Variants in ALK observed in about 807,000 individuals in gnomAD.
The protein encoded by ALK is ALK receptor tyrosine kinase.
In ALK, 74 loss-of-function variants were observed where a neutral mutation model predicts 163.1. That is an observed-to-expected ratio of 0.45 (90% CI 0.38 to 0.55). The LOEUF is 0.55. ALK is among the 20% of genes least tolerant of loss of function. ALK has a pLI of 0.00. For synonymous variants in ALK, 960 were observed against 843.2 expected (o/e 1.14, Z -2.40); for missense variants, 2,063 against 2,105.3 (o/e 0.98, Z 0.39).
At chr2:29,511,868 T>C (rs1364898374) in intron 4 of ALK, among the ~76,000 whole-genome samples, 2 of 152,216 alleles carry the variant, frequency 1.3e-5, no homozygotes, top group East Asian at 1.9e-4. Context: ...ATGTTGAGCA[T>C]CTTTTCATAT....
At chr2:29,193,961 C>CA (rs1668959822) in intron 28 of ALK, 39 bp from the exon 29 acceptor site, 1 of 1,594,784 alleles carries the variant, frequency 6.3e-7, no homozygotes, top group Non-Finnish European at 8.6e-7. Flanking sequence ...GAATCAGAGA[C>CA]AAAAAATGTT....
chr2:29,427,848 A>G (rs908024911), intron 4 of ALK, among the ~76,000 whole-genome samples: 2 of 152,104 alleles, frequency 1.3e-5, no homozygotes, highest in African/African-American at 4.8e-5. Flanking sequence ...TGCACAGGAA[A>G]CTTTCTCTGG....
At chr2:29,534,346 A>G (rs1029898609) in intron 3 of ALK, among the ~76,000 whole-genome samples, 1 of 152,198 alleles carries the variant, frequency 6.6e-6, no homozygotes, top group East Asian at 1.9e-4. Flanking sequence ...AGCAAAGGCA[A>G]TGTGTTGAGG....
At chr2:29,352,046 G>C (rs1668129346) in intron 5 of ALK, among the ~76,000 whole-genome samples, 1 of 152,176 alleles carries the variant, frequency 6.6e-6, no homozygotes, top group Admixed American at 6.5e-5. Flanking sequence ...AGGAGATGAT[G>C]ACCATCTTGG....
intron 4 of ALK, among the ~76,000 whole-genome samples, chr2:29,398,836 C>T (rs555552617): frequency 6.6e-6 from 1 of 152,286 alleles, no homozygotes; most frequent in South Asian, 2.1e-4. Context: ...GCTGACAGCT[C>T]AGAGCAGGTT....
At chr2:29,700,872 A>G (rs1050368770) in intron 2 of ALK, among the ~76,000 whole-genome samples, 3 of 152,202 alleles carry the variant, frequency 2.0e-5, no homozygotes, top group Admixed American at 1.3e-4. Flanking sequence ...AGAGTTGTCA[A>G]TGACAAACCA....
intron 4 of ALK, among the ~76,000 whole-genome samples, chr2:29,446,259 A>C (rs1273969600): frequency 6.6e-6 from 1 of 152,128 alleles, no homozygotes; most frequent in Non-Finnish European, 1.5e-5. Context: ...TTCTCAGAGC[A>C]ACAAGGCTCT....
chr2:29,305,379 G>T (rs918793128), intron 8 of ALK, among the ~76,000 whole-genome samples: 3 of 152,110 alleles, frequency 2.0e-5, no homozygotes, highest in African/African-American at 7.2e-5. Flanking sequence ...TACCCTCTTG[G>T]ACCTGCAGAT....
At chr2:29,539,049 A>AT (rs1553329251) in intron 3 of ALK, among the ~76,000 whole-genome samples, 2 of 151,328 alleles carry the variant, frequency 1.3e-5, no homozygotes, top group African/African-American at 2.4e-5. Context: ...TCTCTTCCAC[A>AT]CCCCCCTCCC....
chr2:29,555,411 T>C (rs909612717), intron 3 of ALK, among the ~76,000 whole-genome samples: 39 of 152,170 alleles, frequency 2.6e-4, no homozygotes, highest in Non-Finnish European at 5.0e-4. Context: ...TGCTGAAATT[T>C]ACTGGGTAAT....
rs1344499382 is a variant in ALK, at chr2:29,920,477, G to A, written c.183C>T (p.Pro61=). 4 of 1,613,000 alleles carry A rather than the reference G, an allele frequency of 2.5e-6. No individual in the cohort carries two copies. The highest frequency in any genetic ancestry group is 2.5e-6 in the Non-Finnish European group (3 of 1,179,642). ...CCCGGGCGTAGACACGGAAGAGCGAGGGCACCACGAAGTCAACTGCCAGAC... is the reference window on the plus strand; with the variant it reads ...CCCGGGCGTAGACACGGAAGAGCGAAGGCACCACGAAGTCAACTGCCAGAC... The part of the protein sequence containing the change: ...RKSLAVDFVV[P]SLFRVYARDL... The change falls in exon 1 of 29, where the codon CCC becomes CCT. Residue 61 remains proline, a synonymous_variant. Transcript: ENST00000389048.
intron 11 of ALK, among the ~76,000 whole-genome samples, chr2:29,257,494 A>G (rs1664980194): frequency 6.6e-6 from 1 of 152,226 alleles, no homozygotes; most frequent in East Asian, 1.9e-4. Flanking sequence ...AGGCTAGACA[A>G]TGATTGTCCT....
At chr2:29,629,366 C>T (rs1023233611) in intron 3 of ALK, among the ~76,000 whole-genome samples, 1 of 152,132 alleles carries the variant, frequency 6.6e-6, no homozygotes, top group African/African-American at 2.4e-5. Context: ...TGTTTTCTAA[C>T]TACAGGTTTC....
At chr2:29,370,056 GC>G (rs1417913488) in intron 5 of ALK, among the ~76,000 whole-genome samples, 1 of 152,152 alleles carries the variant, frequency 6.6e-6, no homozygotes, top group East Asian at 1.9e-4. Context: ...TTGTGTCCGT[GC>G]ACTAACAAGA....
chr2:29,253,868 A>AT (rs1664884342), intron 11 of ALK, among the ~76,000 whole-genome samples: 1 of 151,764 alleles, frequency 6.6e-6, no homozygotes, highest in Admixed American at 6.6e-5. Flanking sequence ...AGATAGATAG[A>AT]TAGATAGATA....
chr2:29,546,890 T>A (rs970409605), intron 3 of ALK, among the ~76,000 whole-genome samples: 1 of 152,332 alleles, frequency 6.6e-6, no homozygotes, highest in Admixed American at 6.5e-5. Flanking sequence ...GGTTCTCAGA[T>A]ACCCGCTGCT....
chr2:29,333,247 C>G (rs1667503639), intron 5 of ALK, among the ~76,000 whole-genome samples: 1 of 152,142 alleles, frequency 6.6e-6, no homozygotes, highest in Admixed American at 6.5e-5. Context: ...TCCCAGGCAG[C>G]TGGGATTACA....
intron 4 of ALK, among the ~76,000 whole-genome samples, chr2:29,497,953 A>G (rs1301156345): frequency 6.6e-6 from 1 of 152,218 alleles, no homozygotes; most frequent in East Asian, 1.9e-4. Context: ...ATATTGTTAT[A>G]ATACTATTAC....
intron 3 of ALK, among the ~76,000 whole-genome samples, chr2:29,665,013 T>C (rs1322439616): frequency 6.6e-6 from 1 of 150,692 alleles, no homozygotes; most frequent in African/African-American, 2.4e-5. Flanking sequence ...CTTTTTTTTT[T>C]TTTTTGAGAC....
Sources: gnomAD v4.1 joint callset for allele counts (sites outside exome capture counted in the v4.1 genomes callset) on GRCh38, gnomAD v4.1.1 for gene constraint, MANE v1.5 for transcripts, NCBI Gene and HGNC (gene_info 2026-07-23, HGNC 2026-07-21) for gene names.